The following TESMIN variants were observed in gnomAD, a reference collection of about 807,000 sequenced individuals.
TESMIN encodes CXC domain containing 2.
TESMIN carries 34 observed loss-of-function variants against 47.4 expected under a neutral mutation model. That is an observed-to-expected ratio of 0.72 (90% confidence interval 0.55 to 0.96). The LOEUF (loss-of-function observed/expected upper bound fraction) is 0.96. Ranked by LOEUF, TESMIN falls within the 40% of genes least tolerant of loss-of-function variation. The probability of loss-of-function intolerance (pLI) is 0.00; values close to 1 mark genes in which losing one functional copy is unlikely to be tolerated. For missense variants in TESMIN, 610 were observed against 637.2 expected (o/e 0.96, Z 0.46); for synonymous variants, 278 against 258.9 (o/e 1.07, Z -0.71).
Position 68,733,121 on chromosome 11 carries a change from A to T in TESMIN, c.917+5579T>A, listed in dbSNP as rs114106098. 9.7e-3 allele frequency among the ~76,000 whole-genome samples: 1,482 copies of T among 152,302 alleles called. 24 individuals carry two copies. Among genetic ancestry groups the T allele is most frequent in the African/African-American group, 0.034 (1,426 of 41,558 alleles). ...GGTGGCCGAGGAAACTGATGCCCCT[A>T]GTGCTGTCAAGCATGGCAATGAGGT... On this transcript the variant is annotated intron_variant, in intron 6 of 9. Transcript: ENST00000255087.
intron 5 of TESMIN, among the ~76,000 whole-genome samples, chr11:68,742,115 G>A (rs1946464672): frequency 6.6e-6 from 1 of 152,186 alleles, no homozygotes; most frequent in Admixed American, 6.5e-5. Flanking sequence ...CATCAAGTTG[G>A]TGAAGAATAA....
chr11:68,721,503 A>G (rs549668831), intron 6 of TESMIN, among the ~76,000 whole-genome samples: 1 of 152,144 alleles, frequency 6.6e-6, no homozygotes, highest in Non-Finnish European at 1.5e-5. Context: ...TAATTACATG[A>G]TGATTCATAT....
chr11:68,736,292 A>C lies in TESMIN; in HGVS notation c.917+2408T>G, dbSNP rs188405951. 3.0e-6 allele frequency: 3 copies of C among 985,436 alleles called. No individual in the cohort carries two copies. In the African/African-American group the frequency reaches 5.2e-5, roughly 17 times the overall value. 61.0% of individuals were successfully genotyped at this position (985,436 alleles called of 1,614,324 possible). ...GTATTAAAGAGTTTTTATTAATATG[A>C]TAAGCTAGTTAATAAGTTAGCCAGT... On this transcript the variant is annotated intron_variant, in intron 6 of 9. Coordinates refer to ENST00000255087, the MANE Select transcript of TESMIN (RefSeq NM_004923.3).
chr11:68,716,884 A>G (rs892434133), intron 6 of TESMIN, among the ~76,000 whole-genome samples: 9 of 152,206 alleles, frequency 5.9e-5, no homozygotes, highest in African/African-American at 2.2e-4. Flanking sequence ...GACCCCTGTC[A>G]CTGTCTTCTG....
At chr11:68,709,685 C>T (rs1249118843) in intron 9 of TESMIN, among the ~76,000 whole-genome samples, 1 of 152,108 alleles carries the variant, frequency 6.6e-6, no homozygotes, top group Non-Finnish European at 1.5e-5. Context: ...TACACGATGA[C>T]TTTGGTTGAA....
chr11:68,725,442 T>C (rs1226759848), intron 6 of TESMIN, among the ~76,000 whole-genome samples: 1 of 152,116 alleles, frequency 6.6e-6, no homozygotes, highest in South Asian at 2.1e-4. Flanking sequence ...GTCCTGGAGG[T>C]GCAGACTGCC....
chr11:68,750,786 GCCAAGGGAGGGGC>G, intron 1 of TESMIN, 87 bp from the exon 2 acceptor site: 1 of 164,116 alleles, frequency 6.1e-6, no homozygotes, highest in South Asian at 8.7e-5. Flanking sequence ...GGGAGGGGCA[GCCAAGGGAGGGGC>G]GGCCAGGGGA....
chr11:68,710,800 T>C (rs1594283212), intron 9 of TESMIN, 74 bp downstream of exon 9: 1 of 1,392,358 alleles, frequency 7.2e-7, no homozygotes, highest in East Asian at 2.3e-5. Context: ...TTCCAGTGTA[T>C]AAATTGTCGT....
chr11:68,729,354 T>C (rs1468574048), intron 6 of TESMIN, among the ~76,000 whole-genome samples: 1 of 121,560 alleles, frequency 8.2e-6, no homozygotes, highest in Non-Finnish European at 1.8e-5. Context: ...TGAAACCCTG[T>C]CTCTACTAAA....
At chr11:68,730,486 GGTAGAT>G (rs1946314057) in intron 6 of TESMIN, among the ~76,000 whole-genome samples, 1 of 152,326 alleles carries the variant, frequency 6.6e-6, no homozygotes, top group South Asian at 2.1e-4. Flanking sequence ...GTGCTGGAAA[GGTAGAT>G]GTTAATTACT....
At chr11:68,717,778 C>T (rs1358126518) in intron 6 of TESMIN, among the ~76,000 whole-genome samples, 1 of 152,112 alleles carries the variant, frequency 6.6e-6, no homozygotes. Context: ...ATGACTCCTC[C>T]TTCCTAAGCA....
intron 5 of TESMIN, among the ~76,000 whole-genome samples, chr11:68,739,876 A>G (rs1396077429): frequency 6.6e-6 from 1 of 152,214 alleles, no homozygotes; most frequent in Non-Finnish European, 1.5e-5. Context: ...AGAGTTTTGC[A>G]TTCTTTTGGA....
intron 6 of TESMIN, among the ~76,000 whole-genome samples, chr11:68,731,507 T>C (rs1946326963): frequency 6.6e-6 from 1 of 152,076 alleles, no homozygotes. Flanking sequence ...TAATAATCCC[T>C]CATAGCCTGT....
chr11:68,744,477 TAGTC>T (rs559604343), intron 4 of TESMIN, among the ~76,000 whole-genome samples: 2 of 152,230 alleles, frequency 1.3e-5, no homozygotes, highest in African/African-American at 2.4e-5. Context: ...AAAAGTTTCT[TAGTC>T]AGGTAAGAAT....
Position 68,710,924 on chromosome 11 carries a change from AT to A in TESMIN, c.1283del (p.His428LeufsTer56). ...YMQTGGLEGS[H>X]YLPPTKFSGL... ...CTGAAAATTTCGTTGGTGGCAGGTAATGGCTGCCTTCCAAACCTCCAGTCTG... is the reference window on the plus strand; with the variant it reads ...CTGAAAATTTCGTTGGTGGCAGGTAAGGCTGCCTTCCAAACCTCCAGTCTG... On this transcript the variant is annotated frameshift_variant, in exon 9 of 10. Coordinates refer to ENST00000255087, the MANE Select transcript of TESMIN (RefSeq NM_004923.3). LOFTEE classifies it high-confidence loss of function. 6.2e-7 allele frequency: 1 copy of A among 1,614,012 alleles called. No individual in the cohort carries two copies. The highest frequency in any genetic ancestry group is 8.5e-7 in the Non-Finnish European group (1 of 1,179,978).
At chr11:68,719,051 T>C (rs1321876932) in intron 6 of TESMIN, among the ~76,000 whole-genome samples, 3 of 152,072 alleles carry the variant, frequency 2.0e-5, no homozygotes, top group Admixed American at 1.3e-4. Flanking sequence ...AGCCCAAACA[T>C]GACAAAGAAG....
At chr11:68,738,870 G>A in intron 5 of TESMIN, 82 bp from the exon 6 acceptor site, 1 of 1,236,128 alleles carries the variant, frequency 8.1e-7, no homozygotes. Flanking sequence ...AGATAAAAAT[G>A]ATTCTTTTTT....
rs1946574777 is a variant in TESMIN at position 68,750,278 on chromosome 11, A to C, written c.383T>G (p.Leu128Arg). 1 of 1,549,236 alleles carries C rather than the reference A, an allele frequency of 6.5e-7. No individual in the cohort carries two copies. Among genetic ancestry groups the C allele is most frequent in the African/African-American group, 1.4e-5 (1 of 71,036 alleles). The change falls in exon 2 of 10, where the codon CTG becomes CGG. Residue 128 changes from leucine to arginine, a missense_variant. Physicochemically the swap from Leu to Arg is moderately radical, Grantham distance 102 (BLOSUM62 -2). Coordinates refer to ENST00000255087, the MANE Select transcript of TESMIN (RefSeq NM_004923.3). ...PACNVHFLSSLLPAHRSPAVL... is the reference protein window; with the variant it reads ...PACNVHFLSSRLPAHRSPAVL... ...CGCCGGGCTGCGGTGCGCGGGTAGCAGCGAGGACAGGAAGTGCACGTTGCA... is the reference window on the plus strand; with the variant it reads ...CGCCGGGCTGCGGTGCGCGGGTAGCCGCGAGGACAGGAAGTGCACGTTGCA...
intron 6 of TESMIN, among the ~76,000 whole-genome samples, chr11:68,718,366 G>A (rs941399357): frequency 1.3e-5 from 2 of 152,042 alleles, no homozygotes; most frequent in Non-Finnish European, 2.9e-5. Context: ...CGATGAAACA[G>A]GAAAATAATT....
Sources: gnomAD v4.1 joint callset for allele counts (sites outside exome capture counted in the v4.1 genomes callset) on GRCh38, gnomAD v4.1.1 for gene constraint, MANE v1.5 for transcripts, NCBI Gene and HGNC (gene_info 2026-07-23, HGNC 2026-07-21) for gene names.